The following UIMC1 variants were observed in gnomAD, a reference collection of about 807,000 sequenced individuals.
UIMC1 encodes BRCA1-A complex subunit RAP80.
In UIMC1, 42 loss-of-function variants were observed where a neutral mutation model predicts 84.9. That is an observed-to-expected ratio of 0.49 (90% confidence interval 0.39 to 0.64). The LOEUF (loss-of-function observed/expected upper bound fraction) is 0.64. UIMC1 is among the 30% of genes least tolerant of loss of function. The pLI, the probability that UIMC1 is intolerant of heterozygous loss-of-function variation, is 0.00. For synonymous variants in UIMC1, 281 were observed against 293.0 expected, an observed-to-expected ratio of 0.96 and a Z score of 0.42; for missense variants, 825 against 847.6, an observed-to-expected ratio of 0.97 and a Z score of 0.33.
intron 10 of UIMC1, among the ~76,000 whole-genome samples, chr5:176,930,694 G>T (rs772997250): frequency 6.6e-6 from 1 of 152,168 alleles, no homozygotes; most frequent in Admixed American, 6.5e-5. Flanking sequence ...ATATACGGCC[G>T]TTAGAAAACT....
intron 8 of UIMC1, among the ~76,000 whole-genome samples, chr5:176,952,396 T>C (rs1463296937): frequency 2.0e-5 from 3 of 152,166 alleles, no homozygotes. Context: ...CTATCAGTAA[T>C]ATGAAAATCT....
At chr5:176,907,044 G>T in intron 13 of UIMC1, 70 bp downstream of exon 13, 1 of 1,490,284 alleles carries the variant, frequency 6.7e-7, no homozygotes, top group Non-Finnish European at 9.3e-7. Context: ...ATAGTCAGGG[G>T]GCTGGCAATG....
At position 176,969,075 on chromosome 5, in the gene UIMC1, T is replaced by C. The variant is rs367818653; in HGVS notation, c.680A>G (p.His227Arg). The change falls in exon 6 of 15, where the codon CAC becomes CGC. Residue 227 changes from histidine (H) to arginine (R), a missense_variant. Transcript: ENST00000511320. ...TTCCTGTGGCTTCCCACACTGTGTG[T>C]GCTCAGCCGAGTGGCCAGTACATCT... is the stretch of plus-strand genomic sequence containing the variant. The part of the protein sequence containing the change: ...FDRCTGHSAE[H>R]TQCGKPQEST... 116 of 1,614,098 alleles carry C rather than the reference T, an allele frequency of 7.2e-5. 1 individual carries two copies. Among genetic ancestry groups the C allele is most frequent in the African/African-American group, 2.7e-4 (20 of 74,938 alleles).
chr5:176,994,863 A>G (rs1323308823), intron 1 of UIMC1, among the ~76,000 whole-genome samples: 1 of 152,202 alleles, frequency 6.6e-6, no homozygotes, highest in Non-Finnish European at 1.5e-5. Flanking sequence ...CAGTAGGGAA[A>G]ACAGGAACTT....
Position 177,005,741 on chromosome 5 carries a change from T to A in UIMC1, c.-9+909A>T, listed in dbSNP as rs186905697. On this transcript the variant is annotated intron_variant, in intron 1 of 14. Transcript: ENST00000511320. ...CAGGAAAACAATAAAGACAGAAGCA[T>A]AAACTTTTCACTTTTTCCGGGTGTC... 4.6e-5 allele frequency among the ~76,000 whole-genome samples: 7 copies of A among 152,026 alleles called. No homozygotes were observed. In the East Asian group the frequency reaches 1.2e-3, roughly 25 times the overall value.
At chr5:176,935,636 G>T (rs947088924) in intron 10 of UIMC1, among the ~76,000 whole-genome samples, 4 of 152,090 alleles carry the variant, frequency 2.6e-5, no homozygotes, top group Non-Finnish European at 5.9e-5. Context: ...TACCACAAAG[G>T]CCACATTAAT....
At position 176,943,070 on chromosome 5, in the gene UIMC1, GAACA is replaced by G. The variant is rs1057317307; in HGVS notation, c.1597+261_1597+264del. 8.9e-5 allele frequency among the ~76,000 whole-genome samples: 13 copies of G among 146,038 alleles called. 2 individuals carry two copies. Among genetic ancestry groups the G allele is most frequent in the Admixed American group, 6.0e-4 (9 of 14,968 alleles). ...GAGACTCTGGCTCAAAAAACAAACA[GAACA>G]AACAAACAAACAAAAACATTAAAAA... On this transcript the variant is annotated intron_variant, in intron 10 of 14. Transcript: ENST00000511320.
chr5:176,953,124 T>C (rs1766105141), intron 8 of UIMC1, among the ~76,000 whole-genome samples: 1 of 152,148 alleles, frequency 6.6e-6, no homozygotes, highest in African/African-American at 2.4e-5. Context: ...AGCGGGAAGT[T>C]GTCTGGCTCT....
rs763421633 is a variant in UIMC1, at chr5:176,955,956, T to TA, written c.1339+2dup. The TA allele has an allele frequency of 1.4e-5, 23 of 1,613,490 alleles. No individual in the cohort carries two copies. Among genetic ancestry groups the TA allele is most frequent in the South Asian group, 4.4e-5 (4 of 91,004 alleles). On this transcript the variant is annotated splice_region_variant and intron_variant, in intron 8 of 14. Transcript: ENST00000511320. Reference sequence around the variant, plus strand: ...TTCAGTAAAATCACAGTGGGGTACTTACCAGGACAAACAGTGATTTCTTCT... The same window carrying TA: ...TTCAGTAAAATCACAGTGGGGTACTTAACCAGGACAAACAGTGATTTCTTCT...
chr5:177,021,543 C>T (rs1775824951), intron 1 of UIMC1, among the ~76,000 whole-genome samples: 1 of 152,082 alleles, frequency 6.6e-6, no homozygotes, highest in South Asian at 2.1e-4. Flanking sequence ...CCCAGGAGGC[C>T]TGGATAACTG....
At chr5:176,994,827 G>A (rs1159427303) in intron 1 of UIMC1, among the ~76,000 whole-genome samples, 1 of 152,166 alleles carries the variant, frequency 6.6e-6, no homozygotes, top group Non-Finnish European at 1.5e-5. Context: ...CGCAACGCAG[G>A]CATAGCTTGT....
At chr5:176,915,239 T>C (rs1234937873) in intron 10 of UIMC1, among the ~76,000 whole-genome samples, 1 of 107,048 alleles carries the variant, frequency 9.3e-6, no homozygotes, top group African/African-American at 5.1e-5. Context: ...TTTATTTTGT[T>C]TCTTTTTTTT....
intron 10 of UIMC1, among the ~76,000 whole-genome samples, chr5:176,923,479 G>A (rs1761951516): frequency 6.6e-6 from 1 of 152,054 alleles, no homozygotes; most frequent in Non-Finnish European, 1.5e-5. Flanking sequence ...GAACCTGGGA[G>A]GCACAGGCTG....
At chr5:176,914,007 GCATAC>G (rs1237179369) in intron 10 of UIMC1, among the ~76,000 whole-genome samples, 2 of 135,652 alleles carry the variant, frequency 1.5e-5, no homozygotes, top group African/African-American at 7.0e-5. Flanking sequence ...CCATACCATA[GCATAC>G]CATACCATAC....
intron 3 of UIMC1, among the ~76,000 whole-genome samples, chr5:176,971,877 C>T (rs1769289003): frequency 6.6e-6 from 1 of 152,014 alleles, no homozygotes; most frequent in Admixed American, 6.6e-5. Context: ...CCATTGCACT[C>T]CACCCTAGGT....
chr5:176,965,405 C>T (rs1476047198), intron 6 of UIMC1, among the ~76,000 whole-genome samples: 2 of 150,062 alleles, frequency 1.3e-5, no homozygotes, highest in Non-Finnish European at 3.0e-5. Context: ...CTGCGCAACA[C>T]AGAGAGACTC....
At chr5:176,950,145 G>A (rs1347655809) in intron 9 of UIMC1, among the ~76,000 whole-genome samples, 3 of 139,514 alleles carry the variant, frequency 2.2e-5, no homozygotes, top group Non-Finnish European at 4.6e-5. Flanking sequence ...CTGTTGCCAG[G>A]CTGGAGTGCA....
intron 10 of UIMC1, among the ~76,000 whole-genome samples, chr5:176,925,363 TA>T (rs1387431584): frequency 1.3e-5 from 2 of 151,860 alleles, no homozygotes; most frequent in African/African-American, 4.8e-5. Context: ...GTAAAACAAG[TA>T]AAATAACTAG....
intron 10 of UIMC1, among the ~76,000 whole-genome samples, chr5:176,931,829 A>G (rs1305983782): frequency 2.6e-5 from 4 of 152,064 alleles, no homozygotes; most frequent in Non-Finnish European, 5.9e-5. Context: ...TACTAAAAAT[A>G]CAGGCGTGGT....
Sources: gnomAD v4.1 joint callset for allele counts (sites outside exome capture counted in the v4.1 genomes callset) on GRCh38, gnomAD v4.1.1 for gene constraint, MANE v1.5 for transcripts, NCBI Gene and HGNC (gene_info 2026-07-23, HGNC 2026-07-21) for gene names.